MYO3A: variants seen among roughly 807,000 people sequenced by gnomAD.
MYO3A encodes myosin-IIIa.
MYO3A carries 180 observed loss-of-function variants against 192.7 expected under a neutral mutation model. That is an observed-to-expected ratio of 0.93 (90% CI 0.83 to 1.06). MYO3A has a LOEUF of 1.06. MYO3A is among the 50% of genes least tolerant of loss of function. MYO3A has a pLI of 0.00. For synonymous variants in MYO3A, 628 were observed against 645.3 expected, an observed-to-expected ratio of 0.97 and a Z score of 0.41; for missense variants, 1,896 against 1,905.0, an observed-to-expected ratio of 1.00 and a Z score of 0.09.
chr10:26,002,717 A>AGTCAGGGTGGACCAG (rs1554800223), intron 6 of MYO3A, among the ~76,000 whole-genome samples: 1 of 149,604 alleles, frequency 6.7e-6, no homozygotes, highest in Admixed American at 6.6e-5. Flanking sequence ...GAGGTAATTG[A>AGTCAGGGTGGACCAG]AAAAGGTTGC....
intron 2 of MYO3A, among the ~76,000 whole-genome samples, chr10:25,945,621 C>G (rs926846726): frequency 3.3e-5 from 5 of 151,976 alleles, no homozygotes; most frequent in African/African-American, 9.7e-5. Flanking sequence ...TTCTTTGTCT[C>G]TTGTAAAAGT....
intron 10 of MYO3A, among the ~76,000 whole-genome samples, chr10:26,065,688 A>G (rs887172432): frequency 1.4e-4 from 21 of 151,634 alleles, no homozygotes; most frequent in African/African-American, 5.1e-4. Flanking sequence ...ACTGGAAGTC[A>G]GGGGAGGCAG....
intron 14 of MYO3A, among the ~76,000 whole-genome samples, chr10:26,081,133 T>TCCCCCCCCCTTC (rs1835907338): frequency 4.7e-5 from 4 of 84,984 alleles, no homozygotes; most frequent in African/African-American, 1.7e-4. Context: ...TATATGCCCT[T>TCCCCCCCCCTTC]CCCCCCCCCC....
At position 26,166,132 on chromosome 10, in the gene MYO3A, T is replaced by C; in HGVS notation, c.3065T>C (p.Ile1022Thr). 6.2e-7 allele frequency: 1 copy of C among 1,614,104 alleles called. No individual in the cohort carries two copies. Among genetic ancestry groups the C allele is most frequent in the Non-Finnish European group, 8.5e-7 (1 of 1,180,028 alleles). ...PRMSPDTCAT[I>T]LEKAGLDNWA... ...ATGAGCCCTGACACCTGTGCCACCATTTTGGAAAAAGCTGGTCTCGATAAC... is the reference window on the plus strand; with the variant it reads ...ATGAGCCCTGACACCTGTGCCACCACTTTGGAAAAAGCTGGTCTCGATAAC... The change falls in exon 27 of 35, where the codon ATT (isoleucine) becomes ACT (threonine). Residue 1022 changes from isoleucine to threonine, a missense_variant. Ile to Thr is a moderately conservative substitution (Grantham distance 89, BLOSUM62 -1). Coordinates refer to ENST00000642920, the MANE Select transcript of MYO3A (RefSeq NM_017433.5).
At chr10:26,204,534 T>G (rs1270625543) in intron 34 of MYO3A, 1 of 152,268 alleles carries the variant, frequency 6.6e-6, no homozygotes, top group Admixed American at 6.5e-5. Context: ...CTAGGCACTA[T>G]GCCATTGTCT....
chr10:26,003,941 C>T (rs11014896), intron 6 of MYO3A, among the ~76,000 whole-genome samples: 14,364 of 152,204 alleles, frequency 0.094, 1,197 homozygotes, highest in African/African-American at 0.21. Context: ...CAAAGAGAAG[C>T]TGTGATTTGT....
chr10:26,081,055 C>CAG (rs1835894161), intron 14 of MYO3A, among the ~76,000 whole-genome samples: 1 of 149,616 alleles, frequency 6.7e-6, no homozygotes, highest in African/African-American at 2.5e-5. Flanking sequence ...TGGCACTTTC[C>CAG]AGAAAGTATC....
At chr10:26,197,534 T>C (rs963283933) in intron 32 of MYO3A, among the ~76,000 whole-genome samples, 1 of 152,182 alleles carries the variant, frequency 6.6e-6, no homozygotes, top group Non-Finnish European at 1.5e-5. Context: ...GCTTCATTTT[T>C]CTCCGCTGCA....
At chr10:26,062,335 A>G (rs1342397582) in intron 10 of MYO3A, among the ~76,000 whole-genome samples, 1 of 151,576 alleles carries the variant, frequency 6.6e-6, no homozygotes, top group African/African-American at 2.4e-5. Flanking sequence ...CCTGGCTAAC[A>G]TGGTGAAACC....
chr10:26,162,209 C>T (rs532409674), intron 26 of MYO3A, among the ~76,000 whole-genome samples: 4 of 152,142 alleles, frequency 2.6e-5, no homozygotes, highest in South Asian at 2.1e-4. Context: ...GAAAGAAGAC[C>T]GGGTATTTTT....
chr10:26,107,481 C>CA (rs1271959522), intron 17 of MYO3A, among the ~76,000 whole-genome samples: 12,163 of 74,152 alleles, frequency 0.16, 692 homozygotes, highest in Non-Finnish European at 0.2. Flanking sequence ...AACACCATCT[C>CA]AAAAAAAAAA....
intron 4 of MYO3A, among the ~76,000 whole-genome samples, chr10:25,964,416 G>A (rs1306408340): frequency 6.6e-6 from 1 of 151,912 alleles, no homozygotes; most frequent in East Asian, 1.9e-4. Context: ...TATTTCATAG[G>A]AATTAAGATG....
rs149633522 is a variant in MYO3A, at chr10:26,110,131, A to G, written c.1777-10545A>G. Among the ~76,000 whole-genome samples, 8 of 152,334 alleles carry G rather than the reference A, an allele frequency of 5.3e-5. No individual in the cohort carries two copies. In the East Asian group the frequency reaches 1.5e-3, roughly 29 times the overall value. ...TTAAATGACTTTTTGGCTTAAAAGT[A>G]GAGACTCCAACTTGACCATCTTCAT... On this transcript the variant is annotated intron_variant, in intron 17 of 34. Transcript: ENST00000642920.
chr10:26,059,511 C>T (rs981647007), intron 10 of MYO3A, among the ~76,000 whole-genome samples: 1 of 152,180 alleles, frequency 6.6e-6, no homozygotes, highest in Non-Finnish European at 1.5e-5. Flanking sequence ...TCAGTCACCA[C>T]CCCTACATAC....
chr10:25,952,261 A>G lies in MYO3A; in HGVS notation c.151A>G (p.Ile51Val). 2 of 1,612,550 alleles carry G rather than the reference A, an allele frequency of 1.2e-6. No homozygotes were observed. Among genetic ancestry groups the G allele is most frequent in the African/African-American group, 1.3e-5 (1 of 74,996 alleles). ...KKNGQKAAVK[I>V]LDPIHDIDEE... ...AAATGGCCAAAAAGCAGCAGTCAAA[A>G]TTCTTGATCCAATTCACGTAAGTCA... The change falls in exon 3 of 35, where the codon ATT becomes GTT. Residue 51 changes from isoleucine (I) to valine (V), a missense_variant. Coordinates refer to ENST00000642920, the MANE Select transcript of MYO3A (RefSeq NM_017433.5).
At chr10:26,199,045 G>A (rs1843551585) in intron 32 of MYO3A, among the ~76,000 whole-genome samples, 1 of 152,188 alleles carries the variant, frequency 6.6e-6, no homozygotes, top group Non-Finnish European at 1.5e-5. Context: ...ACAAAGGGTA[G>A]AGGTTAATGC....
intron 15 of MYO3A, among the ~76,000 whole-genome samples, chr10:26,089,152 A>T (rs534031375): frequency 2.0e-5 from 3 of 152,348 alleles, no homozygotes; most frequent in East Asian, 3.9e-4. Flanking sequence ...GTTAATTCAC[A>T]GTAACATAAT....
chr10:25,961,138 G>T (rs1837904423), intron 4 of MYO3A, among the ~76,000 whole-genome samples: 1 of 152,096 alleles, frequency 6.6e-6, no homozygotes, highest in Non-Finnish European at 1.5e-5. Context: ...TTTCGATAAT[G>T]AATTTTTAAT....
intron 6 of MYO3A, among the ~76,000 whole-genome samples, chr10:26,001,346 G>A (rs1400595107): frequency 6.6e-6 from 1 of 152,116 alleles, no homozygotes; most frequent in Non-Finnish European, 1.5e-5. Context: ...TAATCTGGCT[G>A]GAAAGTTTCT....
Sources: allele counts gnomAD v4.1 joint callset (sites outside exome capture counted in the v4.1 genomes callset), GRCh38; gene constraint gnomAD v4.1.1; transcripts MANE v1.5; gene names NCBI Gene and HGNC (gene_info 2026-07-23, HGNC 2026-07-21).